ADAMTS18: variants seen among roughly 807,000 people sequenced by gnomAD.
The protein encoded by ADAMTS18 is A disintegrin and metalloproteinase with thrombospondin motifs 18.
A neutral mutation model predicts 165.9 loss-of-function variants in ADAMTS18; 157 were observed. The ratio of observed to expected loss-of-function variants is 0.95; its 90% confidence interval spans 0.83 to 1.08. The LOEUF (loss-of-function observed/expected upper bound fraction) is 1.08, where lower values mean the gene tolerates loss of function less well. Ranked by LOEUF, ADAMTS18 falls within the 50% of genes least tolerant of loss-of-function variation. The probability of loss-of-function intolerance (pLI) is 0.00; values close to 1 mark genes in which losing one functional copy is unlikely to be tolerated. For synonymous variants in ADAMTS18, 782 were observed against 578.2 expected (o/e 1.35, Z -5.06); for missense variants, 2,040 against 1,534.0 (o/e 1.33, Z -5.51).
At chr16:77,376,007 G>T (rs1055410243) in intron 3 of ADAMTS18, among the ~76,000 whole-genome samples, 2 of 147,666 alleles carry the variant, frequency 1.4e-5, no homozygotes, top group African/African-American at 2.5e-5. Context: ...GGGTTCAAGC[G>T]ATTCTCCTGC....
chr16:77,352,804 A>G (rs571217788), intron 10 of ADAMTS18, among the ~76,000 whole-genome samples: 124 of 152,268 alleles, frequency 8.1e-4, no homozygotes, highest in Middle Eastern at 6.8e-3. Flanking sequence ...AAACCAACTT[A>G]AAAATGATTC....
intron 3 of ADAMTS18, among the ~76,000 whole-genome samples, chr16:77,425,008 T>G (rs1340404895): frequency 1.3e-5 from 2 of 152,202 alleles, no homozygotes; most frequent in African/African-American, 4.8e-5. Context: ...TGGCAGGCAG[T>G]GACCAGCAAC....
At chr16:77,403,729 T>C (rs1238055481) in intron 3 of ADAMTS18, among the ~76,000 whole-genome samples, 1 of 152,142 alleles carries the variant, frequency 6.6e-6, no homozygotes, top group Non-Finnish European at 1.5e-5. Flanking sequence ...TGAATATTCA[T>C]ATACATCAGA....
rs764982188 is a variant in ADAMTS18, at chr16:77,289,392, C to T, written c.3422G>A (p.Gly1141Glu). 1.2e-6 allele frequency: 2 copies of T among 1,613,900 alleles called. No individual in the cohort carries two copies. The highest frequency in any genetic ancestry group is 2.2e-5 in the East Asian group (1 of 44,866). The change falls in exon 22 of 23, where the codon GGA (glycine) becomes GAA (glutamate). Residue 1141 changes from glycine (G) to glutamate (E), a missense_variant. Gly to Glu is a moderately conservative substitution (Grantham distance 98). Transcript: ENST00000282849. ...PWQQCTVTCG[G>E]GVQTRSVHCV... ...GTGGACTGACCGGGTCTGGACCCCT[C>T]CCCCACAGGTGACTGTGCACTGCAG...
In ADAMTS18 at chr16:77,338,144, TCCA is replaced by T. The variant is rs531901541; in HGVS notation, c.1711-2243_1711-2241del. Among the ~76,000 whole-genome samples the T allele has an allele frequency of 2.4e-3, 372 of 152,242 alleles. 3 individuals are homozygous for T. Among genetic ancestry groups the T allele is most frequent in the African/African-American group, 8.1e-3 (336 of 41,552 alleles). On this transcript the variant is annotated intron_variant, in intron 11 of 22. Coordinates refer to ENST00000282849, the MANE Select transcript of ADAMTS18 (RefSeq NM_199355.4). Reference sequence around the variant, plus strand: ...GTCTTGAACTCCTGACATCAGGCGATCCACCCACCTTGGCCTCCGAAAGTGCTG... The same window carrying T: ...GTCTTGAACTCCTGACATCAGGCGATCCCACCTTGGCCTCCGAAAGTGCTG...
intron 17 of ADAMTS18, among the ~76,000 whole-genome samples, chr16:77,299,559 TAGGAA>T (rs2055541056): frequency 6.6e-6 from 1 of 152,186 alleles, no homozygotes; most frequent in Admixed American, 6.5e-5. Flanking sequence ...CTCTGAATAA[TAGGAA>T]ATGAGAGACC....
At chr16:77,422,654 G>C (rs1257009085) in intron 3 of ADAMTS18, among the ~76,000 whole-genome samples, 2 of 151,642 alleles carry the variant, frequency 1.3e-5, no homozygotes, top group East Asian at 3.9e-4. Context: ...GAAGAAAGGA[G>C]GGAGGGATAG....
intron 2 of ADAMTS18, among the ~76,000 whole-genome samples, chr16:77,434,166 GTTC>G (rs2057769233): frequency 6.8e-6 from 1 of 146,220 alleles, no homozygotes; most frequent in Non-Finnish European, 1.5e-5. Context: ...TTTTTTTCTT[GTTC>G]TTCTTAACAA....
At chr16:77,288,332 T>TTTCTTCCCTATGTAGTATC (rs1435704013) in intron 22 of ADAMTS18, among the ~76,000 whole-genome samples, 1 of 152,100 alleles carries the variant, frequency 6.6e-6, no homozygotes, top group African/African-American at 2.4e-5. Flanking sequence ...CGCTTGCTCA[T>TTTCTTCCCTATGTAGTATC]TTCTTCCCTA....
chr16:77,420,295 G>A (rs12934271), intron 3 of ADAMTS18, among the ~76,000 whole-genome samples: 89,344 of 151,894 alleles, frequency 0.59, 27,396 homozygotes, highest in Middle Eastern at 0.73. Flanking sequence ...GCCATGTTAA[G>A]CTGTGACACC....
chr16:77,415,375 T>C (rs929290916), intron 3 of ADAMTS18, among the ~76,000 whole-genome samples: 1 of 152,214 alleles, frequency 6.6e-6, no homozygotes, highest in African/African-American at 2.4e-5. Context: ...GAGGGGTTTA[T>C]GCATAAGATA....
intron 3 of ADAMTS18, among the ~76,000 whole-genome samples, chr16:77,399,688 C>G (rs1356930772): frequency 6.6e-6 from 1 of 152,126 alleles, no homozygotes; most frequent in African/African-American, 2.4e-5. Context: ...CTGCCGAGCA[C>G]AAAGTAGTAA....
intron 19 of ADAMTS18, 115 bp downstream of exon 19, chr16:77,294,808 C>G (rs1221324991): frequency 9.7e-7 from 1 of 1,028,086 alleles, no homozygotes; most frequent in Non-Finnish European, 1.5e-6. Context: ...CACATGAACT[C>G]AGGGTGATTT....
chr16:77,363,764 C>G, intron 6 of ADAMTS18, 38 bp downstream of exon 6: 4 of 1,579,984 alleles, frequency 2.5e-6, no homozygotes, highest in Non-Finnish European at 3.5e-6. Context: ...TTCTGAACGG[C>G]AGACTGAATG....
At chr16:77,290,230 C>T (rs1236940888) in intron 21 of ADAMTS18, among the ~76,000 whole-genome samples, 2 of 152,114 alleles carry the variant, frequency 1.3e-5, no homozygotes, top group Non-Finnish European at 2.9e-5. Flanking sequence ...ATATTTCAGG[C>T]TGTATAGGCA....
intron 9 of ADAMTS18, among the ~76,000 whole-genome samples, chr16:77,355,443 A>C (rs866925): frequency 0.086 from 13,122 of 152,282 alleles, 777 homozygotes; most frequent in East Asian, 0.26. Flanking sequence ...ATTAAAACAC[A>C]AACACACACT....
chr16:77,327,202 A>AT (rs1040334547), intron 12 of ADAMTS18, among the ~76,000 whole-genome samples: 5 of 152,026 alleles, frequency 3.3e-5, no homozygotes, highest in Non-Finnish European at 5.9e-5. Context: ...TTAATTTTTG[A>AT]TTTTTTTATT....
At chr16:77,393,990 T>G (rs9934527) in intron 3 of ADAMTS18, among the ~76,000 whole-genome samples, 105,635 of 152,150 alleles carry the variant, frequency 0.69, 37,283 homozygotes, top group Non-Finnish European at 0.75. Flanking sequence ...GTGGTCTAAT[T>G]GGATTACTGC....
At chr16:77,429,502 G>C (rs1214008053) in intron 3 of ADAMTS18, among the ~76,000 whole-genome samples, 1 of 152,110 alleles carries the variant, frequency 6.6e-6, no homozygotes, top group African/African-American at 2.4e-5. Flanking sequence ...TAATATCTGG[G>C]TGATGAAATA....
Sources: gnomAD v4.1 joint callset for allele counts (sites outside exome capture counted in the v4.1 genomes callset) on GRCh38, gnomAD v4.1.1 for gene constraint, MANE v1.5 for transcripts, NCBI Gene and HGNC (gene_info 2026-07-23, HGNC 2026-07-21) for gene names.